The following HDGFL3 variants were observed in gnomAD, a reference collection of about 807,000 sequenced individuals.
HDGFL3 encodes the protein hepatoma-derived growth factor-related protein 3.
Under a neutral mutation model 27.6 loss-of-function variants are expected in HDGFL3, and 6 were observed. The ratio of observed to expected loss-of-function variants is 0.22; its 90% CI spans 0.12 to 0.43. The LOEUF (loss-of-function observed/expected upper bound fraction) is 0.43, where lower values mean the gene tolerates loss of function less well. Ranked by LOEUF, HDGFL3 falls within the 20% of genes least tolerant of loss-of-function variation. The pLI, the probability that HDGFL3 is intolerant of heterozygous loss-of-function variation, is 1.00. For missense variants in HDGFL3, 207 were observed against 250.1 expected (o/e 0.83, Z 1.16); for synonymous variants, 88 against 88.9 (o/e 0.99, Z 0.05).
At chr15:83,124,247 G>A (rs1276677829), downstream of HDGFL3, among the ~76,000 whole-genome samples, 2 of 152,008 alleles carry the variant, frequency 1.3e-5, no homozygotes, top group East Asian at 1.9e-4. Flanking sequence ...ATATAAAATT[G>A]TTCCTAATTT....
intron 5 of HDGFL3, among the ~76,000 whole-genome samples, chr15:83,142,566 T>C (rs2036797358): frequency 6.6e-6 from 1 of 152,084 alleles, no homozygotes; most frequent in Non-Finnish European, 1.5e-5. Flanking sequence ...AAAGTAACTA[T>C]TGGATACTAG....
chr15:83,126,896 T>C, downstream of HDGFL3: 2 of 1,486,562 alleles, frequency 1.3e-6, no homozygotes, highest in Non-Finnish European at 1.9e-6. Flanking sequence ...ATTTTCTTTT[T>C]AAAAAATGGG....
At chr15:83,192,320 AAAC>A (rs1240902443) in intron 1 of HDGFL3, 7 of 455,070 alleles carry the variant, frequency 1.5e-5, no homozygotes, top group Non-Finnish European at 2.6e-5. Context: ...TAAAAATAAA[AAAC>A]AAAACAAAAC....
chr15:83,184,708 C>T (rs900916443), intron 1 of HDGFL3: 2 of 152,060 alleles, frequency 1.3e-5, no homozygotes, highest in African/African-American at 4.8e-5. Context: ...GCTACAATAA[C>T]TTCAGGAAAC....
At chr15:83,142,366 C>A (rs1015776109) in intron 5 of HDGFL3, among the ~76,000 whole-genome samples, 1 of 151,866 alleles carries the variant, frequency 6.6e-6, no homozygotes, top group East Asian at 1.9e-4. Context: ...GAGAGCATGT[C>A]TTTTGTGGGA....
chr15:83,149,871 A>G (rs532130532), intron 5 of HDGFL3, among the ~76,000 whole-genome samples: 2 of 152,312 alleles, frequency 1.3e-5, no homozygotes, highest in Admixed American at 1.3e-4. Flanking sequence ...AAGATGTGGT[A>G]TAGAAGAAGG....
chr15:83,205,369 GAATA>G (rs1441355601), intron 1 of HDGFL3, among the ~76,000 whole-genome samples: 2 of 152,140 alleles, frequency 1.3e-5, no homozygotes, highest in African/African-American at 2.4e-5. Flanking sequence ...CGTTAAATGT[GAATA>G]GATACAGATT....
At chr15:83,115,631 T>G in exon 4 of HDGFL3, 1 of 677,010 alleles carries the variant, frequency 1.5e-6, no homozygotes. Flanking sequence ...GTTCCCTTGA[T>G]GAGAGTACTT....
intron 1 of HDGFL3, among the ~76,000 whole-genome samples, chr15:83,170,447 G>A (rs1199956010): frequency 6.6e-6 from 1 of 152,030 alleles, no homozygotes. Flanking sequence ...TTGACAAAGT[G>A]GACAAAAATA....
chr15:83,143,902 TTTTG>T (rs553190452), intron 5 of HDGFL3, among the ~76,000 whole-genome samples: 106 of 152,296 alleles, frequency 7.0e-4, no homozygotes, highest in Middle Eastern at 6.8e-3. Flanking sequence ...CTTGTGTTTT[TTTTG>T]TTTGTTTGTT....
At chr15:83,184,770 A>G (rs984713035) in intron 1 of HDGFL3, 2 of 152,260 alleles carry the variant, frequency 1.3e-5, no homozygotes, top group Non-Finnish European at 2.9e-5. Flanking sequence ...CAAATGGCAG[A>G]TGAAATGAGA....
At chr15:83,176,909 C>T (rs1478486952) in intron 1 of HDGFL3, among the ~76,000 whole-genome samples, 4 of 71,982 alleles carry the variant, frequency 5.6e-5, no homozygotes, top group Admixed American at 1.2e-4. Flanking sequence ...AGGAGAACTA[C>T]ACTATATTAA....
intron 1 of HDGFL3, among the ~76,000 whole-genome samples, chr15:83,167,281 C>T (rs1443051204): frequency 3.9e-5 from 6 of 152,182 alleles, no homozygotes; most frequent in African/African-American, 9.6e-5. Context: ...GAAGGCTGAG[C>T]GTGGTGGCTC....
chr15:83,172,532 G>A (rs2037259086), intron 1 of HDGFL3, among the ~76,000 whole-genome samples: 1 of 152,054 alleles, frequency 6.6e-6, no homozygotes, highest in South Asian at 2.1e-4. Flanking sequence ...GTAAGCTAGA[G>A]AGTAAATGTT....
rs987088726 is a variant in HDGFL3, at chr15:83,132,408, G to A, written c.*6862C>T. ...AGGAGCCTGCCATCCCACAGCCAGC[G>A]AAGGAGGTTCAGTTACTTCAGTCAG... On this transcript the variant is annotated 3_prime_UTR_variant, in exon 6 of 6. Transcript: ENST00000299633. 2.0e-5 allele frequency: 3 copies of A among 152,224 alleles called. No homozygotes were observed. The highest frequency in any genetic ancestry group is 7.2e-5 in the African/African-American group (3 of 41,454). 9.4% of individuals were successfully genotyped at this position (152,224 alleles called of 1,614,324 possible). A position where few individuals can be genotyped will look rare whatever the true frequency, so the allele number is the denominator to read the frequency against.
Position 83,167,978 on chromosome 15 carries a change from TA to T in HDGFL3, c.85-3904del, listed in dbSNP as rs374925939. 2.7e-3 allele frequency among the ~76,000 whole-genome samples: 416 copies of T among 152,140 alleles called. 1 individual carries two copies. The highest frequency in any genetic ancestry group is 9.1e-3 in the African/African-American group (377 of 41,536). ...ACTATACTCTCAGGCCACAGTGGAA[TA>T]AAAACAGAAATCAATACCAAGAAGA... On this transcript the variant is annotated intron_variant, in intron 1 of 5. Coordinates refer to ENST00000299633, the MANE Select transcript of HDGFL3 (RefSeq NM_016073.4).
chr15:83,203,680 T>C (rs901579128), intron 1 of HDGFL3, among the ~76,000 whole-genome samples: 42 of 151,326 alleles, frequency 2.8e-4, no homozygotes, highest in Middle Eastern at 3.4e-3. Context: ...AATTAAGACT[T>C]TAAAAAATAT....
At chr15:83,196,111 T>C (rs1039301721) in intron 1 of HDGFL3, among the ~76,000 whole-genome samples, 8 of 152,026 alleles carry the variant, frequency 5.3e-5, no homozygotes, top group African/African-American at 1.7e-4. Flanking sequence ...TAGATTTATA[T>C]ACCTCTTCAT....
intron 1 of HDGFL3, among the ~76,000 whole-genome samples, chr15:83,202,316 C>T (rs2037657451): frequency 6.6e-6 from 1 of 151,992 alleles, no homozygotes; most frequent in Non-Finnish European, 1.5e-5. Flanking sequence ...AGGTCAAATG[C>T]TTTATTCTTA....
Sources: allele counts gnomAD v4.1 joint callset (sites outside exome capture counted in the v4.1 genomes callset), GRCh38; gene constraint gnomAD v4.1.1; transcripts MANE v1.5; gene names NCBI Gene and HGNC (gene_info 2026-07-23, HGNC 2026-07-21).